Variants in STAB2 observed in about 807,000 individuals in gnomAD.
The protein encoded by STAB2 is stabilin 2.
STAB2 carries 288 observed loss-of-function variants against 338.1 expected under a neutral mutation model. The ratio of observed to expected loss-of-function variants is 0.85; its 90% CI spans 0.77 to 0.94. STAB2 has a LOEUF of 0.94. Ranked by LOEUF, STAB2 falls within the 40% of genes least tolerant of loss-of-function variation. The probability of loss-of-function intolerance (pLI) is 0.00; values close to 1 mark genes in which losing one functional copy is unlikely to be tolerated. For missense variants in STAB2, 3,141 were observed against 3,210.1 expected, an observed-to-expected ratio of 0.98 and a Z score of 0.52; for synonymous variants, 1,202 against 1,193.3, an observed-to-expected ratio of 1.01 and a Z score of -0.15.
chr12:103,721,446 C>T (rs59079260), intron 44 of STAB2, among the ~76,000 whole-genome samples: 5,960 of 152,272 alleles, frequency 0.039, 184 homozygotes, highest in African/African-American at 0.079. Flanking sequence ...GGCCAGATCA[C>T]CTTACCCCAT....
intron 3 of STAB2, among the ~76,000 whole-genome samples, chr12:103,600,811 C>T (rs1956942961): frequency 1.3e-5 from 1 of 76,108 alleles, no homozygotes; most frequent in Admixed American, 1.1e-4. Context: ...TATGCCTTCA[C>T]CCTTTGCACA....
In STAB2 at chr12:103,638,739, A is replaced by G. The variant is rs533047059; in HGVS notation, c.906+527A>G. Among the ~76,000 whole-genome samples the G allele has an allele frequency of 9.8e-5, 15 of 152,358 alleles. No individual in the cohort carries two copies. In the South Asian group the frequency reaches 2.7e-3, roughly 27 times the overall value. On this transcript the variant is annotated intron_variant, in intron 8 of 68. Coordinates refer to ENST00000388887, the MANE Select transcript of STAB2 (RefSeq NM_017564.10). ...ACCTTGACTGATAAAAAATCTGGTCAGGAGACCCTCACTGAGGAATCCAGT... is the reference window on the plus strand; with the variant it reads ...ACCTTGACTGATAAAAAATCTGGTCGGGAGACCCTCACTGAGGAATCCAGT...
intron 27 of STAB2, among the ~76,000 whole-genome samples, chr12:103,685,422 C>CTCTGTGTG: frequency 6.9e-6 from 1 of 145,906 alleles, no homozygotes; most frequent in South Asian, 2.3e-4. Context: ...CTTACCCATG[C>CTCTGTGTG]TGTGTGTGTG....
At chr12:103,616,722 G>T (rs1037586458) in intron 3 of STAB2, among the ~76,000 whole-genome samples, 2 of 152,154 alleles carry the variant, frequency 1.3e-5, no homozygotes, top group Non-Finnish European at 2.9e-5. Context: ...GAAATAGTTG[G>T]GGAGCTGTCA....
intron 68 of STAB2, among the ~76,000 whole-genome samples, chr12:103,764,012 G>A (rs1884733615): frequency 6.6e-6 from 1 of 151,478 alleles, no homozygotes. Flanking sequence ...TTGAGATGGA[G>A]TCTCACTCTG....
At chr12:103,655,357 T>C in intron 14 of STAB2, 50 bp downstream of exon 14, 10 of 1,605,026 alleles carry the variant, frequency 6.2e-6, no homozygotes, top group Non-Finnish European at 8.5e-6. Context: ...AAGACTTTTG[T>C]AAAATTAGCA....
At chr12:103,704,833 AACAG>A in intron 36 of STAB2, 1 of 448,968 alleles carries the variant, frequency 2.2e-6, no homozygotes, top group Non-Finnish European at 3.9e-6. Context: ...CATATGAATC[AACAG>A]ACAGGACAGA....
chr12:103,685,787 C>A (rs1877376675), intron 27 of STAB2, among the ~76,000 whole-genome samples: 1 of 152,276 alleles, frequency 6.6e-6, no homozygotes, highest in African/African-American at 2.4e-5. Context: ...CTATTTTGAC[C>A]ATAAACTTTT....
intron 3 of STAB2, 151 bp downstream of exon 3, chr12:103,594,661 C>A: frequency 1.6e-6 from 1 of 635,924 alleles, no homozygotes; most frequent in East Asian, 2.8e-5. Context: ...ATCTTTCTTG[C>A]CCTGTTAGCT....
chr12:103,766,123 C>G lies in STAB2; in HGVS notation c.7606-163C>G, dbSNP rs767053478. The G allele has an allele frequency of 1.6e-5, 15 of 954,654 alleles. No individual in the cohort carries two copies. The African/African-American group carries it at 2.1e-4, about 13-fold the overall frequency. 59.1% of individuals were successfully genotyped at this position (954,654 alleles called of 1,614,324 possible). ...ACAGGTGGCCCTACCCCCAGCCCAT[C>G]CTGCCTCCCAACACAAGGCAGCAGC... is the stretch of plus-strand genomic sequence containing the variant. On this transcript the variant is annotated intron_variant, in intron 68 of 68. Coordinates refer to ENST00000388887, the MANE Select transcript of STAB2 (RefSeq NM_017564.10).
At chr12:103,621,480 C>G (rs1007568345) in intron 4 of STAB2, among the ~76,000 whole-genome samples, 5 of 152,140 alleles carry the variant, frequency 3.3e-5, no homozygotes, top group African/African-American at 1.2e-4. Flanking sequence ...CGCCTGTAAT[C>G]CCAGTACTTT....
intron 65 of STAB2, 35 bp from the exon 66 acceptor site, chr12:103,761,265 A>C: frequency 6.3e-7 from 1 of 1,594,026 alleles, no homozygotes; most frequent in Non-Finnish European, 8.6e-7. Context: ...CCACTCGGAG[A>C]GTAAAAGCCA....
chr12:103,731,140 T>C (rs1161100712), intron 49 of STAB2, among the ~76,000 whole-genome samples: 1 of 152,176 alleles, frequency 6.6e-6, no homozygotes, highest in Non-Finnish European at 1.5e-5. Context: ...AACACCAGGC[T>C]GTTCTGGCTG....
rs116894406 is a variant in STAB2 at position 103,745,202 on chromosome 12, G to A, written c.6061G>A (p.Asp2021Asn). 0.01 allele frequency: 16,836 copies of A among 1,613,968 alleles called. 116 individuals are homozygous for A. Among genetic ancestry groups the A allele is most frequent in the Middle Eastern group, 0.019 (116 of 6,058 alleles). Reference sequence around the variant, plus strand: ...TGGCTGCTCAGACCACGGACAGTGCGATGATGGCATCACGGGCTCCGGGCA... The same window carrying A: ...TGGCTGCTCAGACCACGGACAGTGCAATGATGGCATCACGGGCTCCGGGCA... ...PCGCSDHGQC[D>N]DGITGSGQCL... The change falls in exon 57 of 69, where the codon GAT becomes AAT. Residue 2021 changes from aspartate to asparagine, a missense_variant. Coordinates refer to ENST00000388887, the MANE Select transcript of STAB2 (RefSeq NM_017564.10).
intron 65 of STAB2, among the ~76,000 whole-genome samples, chr12:103,759,892 C>G (rs1311480853): frequency 6.6e-6 from 1 of 152,086 alleles, no homozygotes; most frequent in Admixed American, 6.5e-5. Context: ...AATAGAGACC[C>G]AAAGAACAGT....
rs576417896 is a variant in STAB2 at position 103,704,366 on chromosome 12, G to C, written c.3844-192G>C. On this transcript the variant is annotated intron_variant, in intron 35 of 68. Transcript: ENST00000388887. ...TTAAAGAGTTAGCAGAGTCAGAAGA[G>C]TGTTTTGGAGAAAAGTGATGCAAAT... 3.3e-5 allele frequency among the ~76,000 whole-genome samples: 5 copies of C among 152,238 alleles called. No homozygotes were observed. The South Asian group carries it at 8.3e-4, about 25-fold the overall frequency.
intron 45 of STAB2, among the ~76,000 whole-genome samples, chr12:103,725,404 A>C (rs891260099): frequency 6.6e-6 from 1 of 152,224 alleles, no homozygotes; most frequent in African/African-American, 2.4e-5. Flanking sequence ...TCTGTATATC[A>C]ATTTTCCAAT....
intron 68 of STAB2, among the ~76,000 whole-genome samples, chr12:103,764,538 A>AT (rs1409107455): frequency 1.3e-5 from 2 of 152,212 alleles, no homozygotes; most frequent in Non-Finnish European, 2.9e-5. Context: ...CTGTAGTTTA[A>AT]TACCAGTTCT....
intron 26 of STAB2, among the ~76,000 whole-genome samples, chr12:103,684,680 A>G (rs1443712633): frequency 6.6e-6 from 1 of 152,226 alleles, no homozygotes; most frequent in African/African-American, 2.4e-5. Flanking sequence ...TATGCCCCAA[A>G]TATTGCATGG....
Sources: gnomAD v4.1 joint callset for allele counts (sites outside exome capture counted in the v4.1 genomes callset) on GRCh38, gnomAD v4.1.1 for gene constraint, MANE v1.5 for transcripts, NCBI Gene and HGNC (gene_info 2026-07-23, HGNC 2026-07-21) for gene names.